The following USP6NL variants were observed in gnomAD, a reference collection of about 807,000 sequenced individuals.
The protein encoded by USP6NL is USP6 N-terminal-like protein.
A neutral mutation model predicts 61.9 loss-of-function variants in USP6NL; 26 were observed. The observed-to-expected ratio is 0.42, with a 90% confidence interval of 0.31 to 0.58. USP6NL has a LOEUF of 0.58. Among genes scored for constraint, USP6NL ranks in the 20% least tolerant of loss-of-function variants. The pLI, the probability that USP6NL is intolerant of heterozygous loss-of-function variation, is 0.16. For synonymous variants in USP6NL, 432 were observed against 390.1 expected, an observed-to-expected ratio of 1.11 and a Z score of -1.27; for missense variants, 1,114 against 1,034.3, an observed-to-expected ratio of 1.08 and a Z score of -1.06.
In USP6NL at chr10:11,490,006, T is replaced by C. The variant is rs1833642430; in HGVS notation, c.544-784A>G. On this transcript the variant is annotated intron_variant, in intron 9 of 14. Coordinates refer to ENST00000609104, the MANE Select transcript of USP6NL (RefSeq NM_014688.5). This position sits in a 1 kb window ranked among gnomAD's most constrained non-coding sequence, Gnocchi z 4.5. Reference sequence around the variant, plus strand: ...CACAGAGATCATCTGAGATACTGAGTGGCCCCCAGAATGGGAGAGATGGAA... The same window carrying C: ...CACAGAGATCATCTGAGATACTGAGCGGCCCCCAGAATGGGAGAGATGGAA... Among the ~76,000 whole-genome samples the C allele has an allele frequency of 6.6e-6, 1 of 152,164 alleles. No individual in the cohort carries two copies. Among genetic ancestry groups the C allele is most frequent in the Non-Finnish European group, 1.5e-5 (1 of 68,016 alleles).
chr10:11,488,776 G>C (rs535275356), intron 10 of USP6NL, among the ~76,000 whole-genome samples: 1 of 152,202 alleles, frequency 6.6e-6, no homozygotes, highest in African/African-American at 2.4e-5. Flanking sequence ...TGATTAAAAG[G>C]CATCTTTTAT....
At position 11,525,586 on chromosome 10, in the gene USP6NL, G is replaced by T; in HGVS notation, c.73-118C>A. On this transcript the variant is annotated intron_variant, in intron 3 of 14. Coordinates refer to ENST00000609104, the MANE Select transcript of USP6NL (RefSeq NM_014688.5). The surrounding 1 kb of genome is among the most constrained non-coding windows in gnomAD (Gnocchi z 5.0). ...AATGTATTACTAAAAATAAGAGCTG[G>T]AAGTGAGGCATTATGAGCCTTAACA... The T allele has an allele frequency of 1.1e-6, 1 of 891,292 alleles. No individual in the cohort carries two copies. Among genetic ancestry groups the T allele is most frequent in the South Asian group, 2.2e-5 (1 of 45,368 alleles). The allele number at this position is 891,292 out of a possible 1,614,324, so 55.2% of individuals were successfully genotyped here. A position where few individuals can be genotyped will look rare whatever the true frequency, so the allele number is the denominator to read the frequency against.
chr10:11,568,939 T>C (rs1837264696), intron 2 of USP6NL, among the ~76,000 whole-genome samples: 1 of 152,224 alleles, frequency 6.6e-6, no homozygotes, highest in Admixed American at 6.5e-5. Context: ...TTTTTTAACC[T>C]AGGGCACTAA....
At chr10:11,571,085 T>TAA (rs1420867361) in intron 2 of USP6NL, among the ~76,000 whole-genome samples, 40 of 127,276 alleles carry the variant, frequency 3.1e-4, no homozygotes, top group African/African-American at 1.3e-3. Flanking sequence ...CCCAAAATAA[T>TAA]TCTTTTTTTT....
chr10:11,567,231 T>C (rs1377891403), intron 2 of USP6NL, among the ~76,000 whole-genome samples: 3 of 152,270 alleles, frequency 2.0e-5, no homozygotes, highest in Non-Finnish European at 4.4e-5. Context: ...TGTTTACAAA[T>C]TTAATGGTTT....
At chr10:11,483,190 C>G (rs1833277964) in intron 13 of USP6NL, among the ~76,000 whole-genome samples, 1 of 152,074 alleles carries the variant, frequency 6.6e-6, no homozygotes, top group Non-Finnish European at 1.5e-5. Flanking sequence ...ACGTAAGTCT[C>G]TAACCAAGAA....
At chr10:11,555,298 C>T (rs559614637) in intron 2 of USP6NL, among the ~76,000 whole-genome samples, 84 of 147,742 alleles carry the variant, frequency 5.7e-4, no homozygotes, top group African/African-American at 2.1e-3. Context: ...ACCTGTAACC[C>T]CAGCTACTCA....
chr10:11,540,640 A>G lies in USP6NL; in HGVS notation c.5-13073T>C, dbSNP rs1836012614. Among the ~76,000 whole-genome samples, 1 of 152,238 alleles carries G rather than the reference A, an allele frequency of 6.6e-6. No individual in the cohort carries two copies. Among genetic ancestry groups the G allele is most frequent in the Admixed American group, 6.5e-5 (1 of 15,280 alleles). On this transcript the variant is annotated intron_variant, in intron 2 of 14. Transcript: ENST00000609104. This position sits in a 1 kb window ranked among gnomAD's most constrained non-coding sequence, Gnocchi z 5.0. ...ATTCTTGCAGACCAGATATAAGAAG[A>G]TAATTCATAGACTGCCCACTCTGAT...
intron 2 of USP6NL, among the ~76,000 whole-genome samples, chr10:11,567,856 T>C (rs1837220529): frequency 6.6e-6 from 1 of 152,240 alleles, no homozygotes; most frequent in Non-Finnish European, 1.5e-5. Flanking sequence ...TTATTACCTC[T>C]ACTTTTCAGA....
chr10:11,483,338 A>C (rs1833284352), intron 13 of USP6NL, among the ~76,000 whole-genome samples: 1 of 151,714 alleles, frequency 6.6e-6, no homozygotes, highest in Non-Finnish European at 1.5e-5. Context: ...GGGTCATATA[A>C]GTAGAACAAT....
intron 6 of USP6NL, among the ~76,000 whole-genome samples, chr10:11,508,747 G>A (rs1228097089): frequency 1.3e-5 from 2 of 152,198 alleles, no homozygotes; most frequent in Admixed American, 1.3e-4. Flanking sequence ...CAATGACTGT[G>A]TCAAGAAAAA....
Position 11,597,329 on chromosome 10 carries a change from T to C in USP6NL, c.4+302A>G, listed in dbSNP as rs959306708. The stretch of plus-strand genomic sequence containing the variant: ...GGTCAACTGCAATGTTCCCTATTCA[T>C]ATTTCTGAAGAACCGTTTTCCAATG... On this transcript the variant is annotated intron_variant, in intron 2 of 14. Coordinates refer to ENST00000609104, the MANE Select transcript of USP6NL (RefSeq NM_014688.5). The surrounding 1 kb of genome is among the most constrained non-coding windows in gnomAD (Gnocchi z 4.6). Among the ~76,000 whole-genome samples, 29 of 152,226 alleles carry C rather than the reference T, an allele frequency of 1.9e-4. No homozygotes were observed. Among genetic ancestry groups the C allele is most frequent in the African/African-American group, 7.0e-4 (29 of 41,450 alleles).
rs533963893 is a variant in USP6NL, at chr10:11,502,384, A to G, written c.277-1176T>C. Among the ~76,000 whole-genome samples, 274 of 152,280 alleles carry G rather than the reference A, an allele frequency of 1.8e-3. 1 individual carries two copies. The highest frequency in any genetic ancestry group is 6.3e-3 in the African/African-American group (263 of 41,564). On this transcript the variant is annotated intron_variant, in intron 6 of 14. Transcript: ENST00000609104. Reference sequence around the variant, plus strand: ...TCTTCTTGTAATTAATTTTTTCCTCAAGTCTAATTACTCAAAATAACATAA... The same window carrying G: ...TCTTCTTGTAATTAATTTTTTCCTCGAGTCTAATTACTCAAAATAACATAA...
At chr10:11,609,440 T>C (rs1368139966) in intron 1 of USP6NL, among the ~76,000 whole-genome samples, 1 of 144,916 alleles carries the variant, frequency 6.9e-6, no homozygotes, top group African/African-American at 2.6e-5. Flanking sequence ...TGCATTGCAC[T>C]AGTTACAAAG....
chr10:11,481,732 A>C lies in USP6NL; in HGVS notation c.1078+38T>G. The C allele has an allele frequency of 6.4e-7, 1 of 1,556,390 alleles. No individual in the cohort carries two copies. Among genetic ancestry groups the C allele is most frequent in the Non-Finnish European group, 8.7e-7 (1 of 1,154,892 alleles). ...AATTATGCCATGTCTTCCAATCTTA[A>C]TTATAACGTAGATATAAAGTATTGG... is the stretch of plus-strand genomic sequence containing the variant. On this transcript the variant is annotated intron_variant, in intron 14 of 14. Coordinates refer to ENST00000609104, the MANE Select transcript of USP6NL (RefSeq NM_014688.5). The surrounding 1 kb of genome is among the most constrained non-coding windows in gnomAD (Gnocchi z 4.4).
In USP6NL at chr10:11,460,654, TAAAA is replaced by T. The variant is rs3057294; in HGVS notation, c.*1783_*1786del. 3.7e-5 allele frequency: 5 copies of T among 133,580 alleles called. No individual in the cohort carries two copies. Among genetic ancestry groups the T allele is most frequent in the Admixed American group, 7.3e-5 (1 of 13,768 alleles). The allele number at this position is 133,580 out of a possible 1,614,324, so 8.3% of individuals were successfully genotyped here. Reference sequence around the variant, plus strand: ...ATATATATATATATATATATATATATAAAAATCTACAGTATTTACCACTGTTGAT... The same window carrying T: ...ATATATATATATATATATATATATATATCTACAGTATTTACCACTGTTGAT... On this transcript the variant is annotated 3_prime_UTR_variant, in exon 15 of 15. Coordinates refer to ENST00000609104, the MANE Select transcript of USP6NL (RefSeq NM_014688.5).
intron 5 of USP6NL, among the ~76,000 whole-genome samples, chr10:11,516,400 T>A (rs1172012744): frequency 1.3e-5 from 2 of 152,182 alleles, no homozygotes; most frequent in Admixed American, 6.5e-5. Flanking sequence ...TTTAAAAATG[T>A]AAACTTTTTT....
At chr10:11,466,900 G>A (rs749220945) in intron 14 of USP6NL, among the ~76,000 whole-genome samples, 3 of 152,108 alleles carry the variant, frequency 2.0e-5, no homozygotes, top group South Asian at 2.1e-4. Context: ...CGCTATTTTC[G>A]GCTCACAGGG....
At chr10:11,492,996 T>C (rs948973160) in intron 8 of USP6NL, 123 bp downstream of exon 8, 11 of 762,284 alleles carry the variant, frequency 1.4e-5, no homozygotes, top group African/African-American at 1.2e-4. Context: ...GCAAATGATC[T>C]GCAAAAGCTT....
Sources: gnomAD v4.1 joint callset for allele counts (sites outside exome capture counted in the v4.1 genomes callset) on GRCh38, gnomAD v4.1.1 for gene constraint, Gnocchi (gnomAD v3.1) non-coding constraint, MANE v1.5 for transcripts, NCBI Gene and HGNC (gene_info 2026-07-23, HGNC 2026-07-21) for gene names.